Variants in C19orf38 observed in about 807,000 individuals in gnomAD.
C19orf38 encodes the protein chromosome 19 open reading frame 38.
C19orf38 carries 14 observed loss-of-function variants against 26.6 expected under a neutral mutation model. The observed-to-expected ratio is 0.53, with a 90% CI of 0.35 to 0.82. C19orf38 has a LOEUF of 0.82. Among genes scored for constraint, C19orf38 ranks in the 40% least tolerant of loss-of-function variants. C19orf38 has a pLI of 0.01. For missense variants in C19orf38, 261 were observed against 299.5 expected (o/e 0.87, Z 0.95); for synonymous variants, 132 against 128.5 (o/e 1.03, Z -0.18).
rs762620286 is a variant in C19orf38, at chr19:10,858,354, C to T, written c.461+11C>T. Reference sequence around the variant, plus strand: ...TTTACAGAAGAAAAGGTGAGATCATCCCTGGAGACCCACAGAGGGTGGTTT... The same window carrying T: ...TTTACAGAAGAAAAGGTGAGATCATTCCTGGAGACCCACAGAGGGTGGTTT... On this transcript the variant is annotated intron_variant, in intron 4 of 6. Transcript: ENST00000397820. 8 of 1,544,992 alleles carry T rather than the reference C, an allele frequency of 5.2e-6. No individual in the cohort carries two copies. The South Asian group carries it at 9.6e-5, about 19-fold the overall frequency.
rs1478344490 is a variant in C19orf38, at chr19:10,848,517, G to A, written c.9G>A (p.Trp3Ter). ...GCCAAACGCAGAGAGAGATGCCCTG[G>A]ACCATCTTGCTCTTTGCAGCTGGTG... The part of the protein sequence containing the change: MP[W>*]TILLFAAGSL... Residue 3 changes from tryptophan (W) to a stop codon, truncating the protein, a stop_gained, in exon 1 of 7, where the codon TGG (tryptophan) becomes TGA (stop). Coordinates refer to ENST00000397820, the MANE Select transcript of C19orf38 (RefSeq NM_001136482.3). LOFTEE classifies it high-confidence loss of function. The A allele has an allele frequency of 6.4e-7, 1 of 1,551,566 alleles. No homozygotes were observed. The highest frequency in any genetic ancestry group is 8.7e-7 in the Non-Finnish European group (1 of 1,146,948).
At chr19:10,844,402 C>CAAA (rs1249868993), upstream of C19orf38, among the ~76,000 whole-genome samples, 1 of 65,078 alleles carries the variant, frequency 1.5e-5, no homozygotes, top group Non-Finnish European at 3.0e-5. Context: ...GACTCCGTCT[C>CAAA]AAAAAAAAAA....
At chr19:10,841,634 A>G (rs997229290) in intron 1 of C19orf38, among the ~76,000 whole-genome samples, 5 of 151,998 alleles carry the variant, frequency 3.3e-5, no homozygotes, top group African/African-American at 1.2e-4. Context: ...TCTCCTCCCT[A>G]ATTATTCACC....
At chr19:10,845,869 A>C (rs578153614), upstream of C19orf38, among the ~76,000 whole-genome samples, 10 of 138,272 alleles carry the variant, frequency 7.2e-5, no homozygotes, top group African/African-American at 2.8e-4. Flanking sequence ...ACAGAGCAAG[A>C]CTCCGTCAAA....
chr19:10,868,343 G>A (rs929530397), intron 6 of C19orf38, among the ~76,000 whole-genome samples: 79 of 152,280 alleles, frequency 5.2e-4, no homozygotes, highest in African/African-American at 1.9e-3. Context: ...AGGACTGTGG[G>A]TGGAACCCCC....
At chr19:10,845,143 A>C (rs573208717), upstream of C19orf38, among the ~76,000 whole-genome samples, 5 of 151,888 alleles carry the variant, frequency 3.3e-5, no homozygotes, top group South Asian at 1.0e-3. Flanking sequence ...CTGGGCAAGA[A>C]AGCAAGACCT....
At chr19:10,845,870 C>G (rs1020598993), upstream of C19orf38, among the ~76,000 whole-genome samples, 5 of 138,348 alleles carry the variant, frequency 3.6e-5, no homozygotes, top group African/African-American at 1.4e-4. Context: ...CAGAGCAAGA[C>G]TCCGTCAAAA....
rs200957175 is a variant in C19orf38 at position 10,850,542 on chromosome 19, C to T, written c.315C>T (p.Ser105=). Residue 105 remains serine, a synonymous_variant, in exon 2 of 7, where the codon AGC becomes AGT. Transcript: ENST00000397820. The stretch of plus-strand genomic sequence containing the variant: ...ACCAGTCCCAGCTGTCAGACCTCAG[C>T]GAGCCCGTGAACGTCTCCTTCCCAG... The part of the protein sequence containing the change: ...ELNQSQLSDL[S]EPVNVSFPVP... The T allele has an allele frequency of 1.4e-4, 210 of 1,551,588 alleles. 1 individual carries two copies. The highest frequency in any genetic ancestry group is 8.6e-4 in the Admixed American group (44 of 50,974).
intron 3 of C19orf38, among the ~76,000 whole-genome samples, 187 bp downstream of exon 3, chr19:10,856,544 C>T (rs1326132995): frequency 1.3e-5 from 2 of 152,184 alleles, no homozygotes; most frequent in Non-Finnish European, 1.5e-5. Flanking sequence ...CGCTCTGTCG[C>T]CCAGGCTGGA....
rs545079431 is a variant in C19orf38, at chr19:10,853,899, G to GTT, written c.341-2348_341-2347dup. On this transcript the variant is annotated intron_variant, in intron 2 of 6. Coordinates refer to ENST00000397820, the MANE Select transcript of C19orf38 (RefSeq NM_001136482.3). Reference sequence around the variant, plus strand: ...GCGTGAGCTACCCCGTCCGGCTAATGTTTTTTTTTTTTTTTTTTTAATTAG... The same window carrying GTT: ...GCGTGAGCTACCCCGTCCGGCTAATGTTTTTTTTTTTTTTTTTTTTTAATTAG... Among the ~76,000 whole-genome samples the GTT allele has an allele frequency of 2.1e-4, 24 of 116,884 alleles. No individual in the cohort carries two copies. The South Asian group carries it at 2.4e-3, about 12-fold the overall frequency. The allele number at this position is 116,884 out of a possible 152,430, so 76.7% of individuals were successfully genotyped here.
intron 2 of C19orf38, among the ~76,000 whole-genome samples, chr19:10,853,591 CA>C (rs2073594791): frequency 2.7e-5 from 4 of 146,398 alleles, no homozygotes; most frequent in South Asian, 2.2e-4. Context: ...CAGCTCCCCC[CA>C]ATTTTTTTTT....
chr19:10,857,366 A>ATATATATATTTTTT (rs1433358051), intron 3 of C19orf38, among the ~76,000 whole-genome samples: 5 of 56,080 alleles, frequency 8.9e-5, no homozygotes, highest in East Asian at 7.9e-4. Flanking sequence ...ATATATATAT[A>ATATATATATTTTTT]TTTTTTTTTT....
chr19:10,851,534 G>T (rs1048779696), intron 2 of C19orf38, among the ~76,000 whole-genome samples: 2 of 152,152 alleles, frequency 1.3e-5, no homozygotes, highest in Non-Finnish European at 2.9e-5. Flanking sequence ...AGAGATGAGG[G>T]TCTAAAATGT....
chr19:10,842,866 C>T (rs1044119268), intron 1 of C19orf38, among the ~76,000 whole-genome samples: 7 of 152,250 alleles, frequency 4.6e-5, no homozygotes, highest in Non-Finnish European at 7.3e-5. Context: ...GGGCATGACA[C>T]TGGAGGCACC....
At chr19:10,851,463 C>T (rs1044591895) in intron 2 of C19orf38, among the ~76,000 whole-genome samples, 1 of 151,944 alleles carries the variant, frequency 6.6e-6, no homozygotes, top group African/African-American at 2.4e-5. Flanking sequence ...ACCTCAGCCT[C>T]CTAAGTAGCT....
Position 10,857,362 on chromosome 19 carries a change from A to ATTT in C19orf38, c.434-953_434-952insTTT, listed in dbSNP as rs1304594112. Among the ~76,000 whole-genome samples, 192 of 81,578 alleles carry ATTT rather than the reference A, an allele frequency of 2.4e-3. 1 individual carries two copies. Among genetic ancestry groups the ATTT allele is most frequent in the East Asian group, 5.5e-3 (12 of 2,192 alleles). 53.5% of individuals were successfully genotyped at this position (81,578 alleles called of 152,430 possible). On this transcript the variant is annotated intron_variant, in intron 3 of 6. Coordinates refer to ENST00000397820, the MANE Select transcript of C19orf38 (RefSeq NM_001136482.3). Reference sequence around the variant, plus strand: ...TACATATATATATATATATATATATATATATTTTTTTTTTTTTTTTTTTAA... The same window carrying ATTT: ...TACATATATATATATATATATATATATTTTATATTTTTTTTTTTTTTTTTTTAA...
chr19:10,838,052 C>T (rs2073450161), intron 1 of C19orf38, among the ~76,000 whole-genome samples: 1 of 152,226 alleles, frequency 6.6e-6, no homozygotes, highest in African/African-American at 2.4e-5. Flanking sequence ...CCCTCACCCT[C>T]CCAAAGTGTT....
chr19:10,837,532 A>T, intron 1 of C19orf38, among the ~76,000 whole-genome samples: 3 of 103,344 alleles, frequency 2.9e-5, no homozygotes, highest in Admixed American at 1.3e-4. Flanking sequence ...TTTGAGACAG[A>T]GTCTCCCTCT....
At chr19:10,848,716 GT>G (rs2073539640) in intron 1 of C19orf38, among the ~76,000 whole-genome samples, 177 bp downstream of exon 1, 1 of 152,122 alleles carries the variant, frequency 6.6e-6, no homozygotes. Flanking sequence ...AGTAGTGTTG[GT>G]TTTTTCTTCT....
Sources: gnomAD v4.1 joint callset for allele counts (sites outside exome capture counted in the v4.1 genomes callset) on GRCh38, gnomAD v4.1.1 for gene constraint, MANE v1.5 for transcripts, NCBI Gene and HGNC (gene_info 2026-07-23, HGNC 2026-07-21) for gene names.